The following ZNF254 variants were observed in gnomAD, a reference collection of about 807,000 sequenced individuals.
ZNF254 encodes CTD-2017D11.1.
In ZNF254, 10 loss-of-function variants were observed where a neutral mutation model predicts 12.4. The ratio of observed to expected loss-of-function variants is 0.80; its 90% CI spans 0.50 to 1.36. ZNF254 has a LOEUF of 1.36. Among genes scored for constraint, ZNF254 ranks in the 40% most tolerant of loss-of-function variants. ZNF254 has a pLI of 0.00. For synonymous variants in ZNF254, 305 were observed against 253.4 expected (o/e 1.20, Z -1.93); for missense variants, 996 against 763.9 (o/e 1.30, Z -3.58).
At chr19:24,098,571 C>CTGAG (rs1221926102) in intron 1 of ZNF254, 2 of 152,202 alleles carry the variant, frequency 1.3e-5, no homozygotes, top group Non-Finnish European at 2.9e-5. Flanking sequence ...GTTACTCATG[C>CTGAG]TGAGAGTAGC....
chr19:24,127,790 C>T lies in ZNF254; in HGVS notation c.1790C>T (p.Thr597Ile). 6.2e-7 allele frequency: 1 copy of T among 1,612,630 alleles called. No individual in the cohort carries two copies. Among genetic ancestry groups the T allele is most frequent in the African/African-American group, 1.3e-5 (1 of 74,976 alleles). The change falls in exon 4 of 4, where the codon ACT becomes ATT. Residue 597 changes from threonine to isoleucine, a missense_variant. Transcript: ENST00000357002. ...TTTACTAAACATAAGGTAATTCATA[C>T]TGGAGTAAAACCCTACAAATGTGAA... ...STFTKHKVIH[T>I]GVKPYKCEEC...
intron 1 of ZNF254, among the ~76,000 whole-genome samples, chr19:24,090,034 GAAA>G (rs575080256): frequency 2.1e-5 from 2 of 94,760 alleles, no homozygotes; most frequent in Non-Finnish European, 4.5e-5. Context: ...CTAAAAATAC[GAAA>G]AAAAAAAAAA....
At position 24,120,567 on chromosome 19, in the gene ZNF254, A is replaced by G. The variant is rs949415056; in HGVS notation, c.254-5687A>G. The stretch of plus-strand genomic sequence containing the variant: ...TTCTACATTTGTATATTTACATTCA[A>G]TAGAGAGCTTTATTTTTATATATGG... On this transcript the variant is annotated intron_variant, in intron 3 of 3. Coordinates refer to ENST00000357002, the MANE Select transcript of ZNF254 (RefSeq NM_203282.4). 5.8e-4 allele frequency among the ~76,000 whole-genome samples: 88 copies of G among 152,080 alleles called. 1 individual carries two copies. The highest frequency in any genetic ancestry group is 1.5e-4 in the Non-Finnish European group (10 of 68,010).
intron 1 of ZNF254, among the ~76,000 whole-genome samples, chr19:24,044,610 T>C (rs1415075873): frequency 6.6e-6 from 1 of 152,130 alleles, no homozygotes; most frequent in Non-Finnish European, 1.5e-5. Context: ...TTCGTGTTTA[T>C]ATTTTGTTTT....
At chr19:24,052,461 A>T (rs541355697) in intron 2 of ZNF254, among the ~76,000 whole-genome samples, 1 of 152,314 alleles carries the variant, frequency 6.6e-6, no homozygotes, top group South Asian at 2.1e-4. Context: ...TGCATTCATT[A>T]TCTAGGAGAT....
Position 24,106,651 on chromosome 19 carries a change from A to T in ZNF254, c.253+8A>T. 6.3e-7 allele frequency: 1 copy of T among 1,575,774 alleles called. No homozygotes were observed. Among genetic ancestry groups the T allele is most frequent in the Admixed American group, 1.7e-5 (1 of 58,850 alleles). Reference sequence around the variant, plus strand: ...TGGTGGATGAACCCCCAGGTAGGTGAGAGTGAATACAACAGATGACATGGA... The same window carrying T: ...TGGTGGATGAACCCCCAGGTAGGTGTGAGTGAATACAACAGATGACATGGA... On this transcript the variant is annotated splice_region_variant and intron_variant, in intron 3 of 3. Coordinates refer to ENST00000357002, the MANE Select transcript of ZNF254 (RefSeq NM_203282.4).
intron 1 of ZNF254, among the ~76,000 whole-genome samples, chr19:24,093,708 G>GTAT (rs1972521573): frequency 6.6e-6 from 1 of 152,188 alleles, no homozygotes; most frequent in East Asian, 1.9e-4. Flanking sequence ...ATAATTTGAA[G>GTAT]ACAGGTAATG....
chr19:24,050,300 C>T (rs1336769946), intron 2 of ZNF254, among the ~76,000 whole-genome samples: 1 of 152,124 alleles, frequency 6.6e-6, no homozygotes, highest in Non-Finnish European at 1.5e-5. Flanking sequence ...GCTGAGACTA[C>T]AGGTGTGTGC....
intron 2 of ZNF254, among the ~76,000 whole-genome samples, chr19:24,056,435 CCAT>C (rs1378266346): frequency 6.6e-6 from 1 of 152,150 alleles, no homozygotes; most frequent in Non-Finnish European, 1.5e-5. Flanking sequence ...GGTTCTTCTT[CCAT>C]CATAAGTTCT....
intron 2 of ZNF254, among the ~76,000 whole-genome samples, chr19:24,060,452 C>T (rs139385374): frequency 6.6e-6 from 1 of 152,158 alleles, no homozygotes; most frequent in Admixed American, 6.5e-5. Flanking sequence ...TGTAATTTGT[C>T]TCCTGCCTAA....
chr19:24,123,621 A>G (rs1425413858), intron 3 of ZNF254, among the ~76,000 whole-genome samples: 2 of 152,038 alleles, frequency 1.3e-5, no homozygotes, highest in Admixed American at 1.3e-4. Context: ...TGCGTGCACA[A>G]ACACATACAC....
rs151262980 is a variant in ZNF254 at position 24,117,640 on chromosome 19, C to T, written c.254-8614C>T. Among the ~76,000 whole-genome samples the T allele has an allele frequency of 7.8e-3, 1,183 of 152,202 alleles. 12 individuals are homozygous for T. Among genetic ancestry groups the T allele is most frequent in the African/African-American group, 0.027 (1,109 of 41,550 alleles). On this transcript the variant is annotated intron_variant, in intron 3 of 3. Coordinates refer to ENST00000357002, the MANE Select transcript of ZNF254 (RefSeq NM_203282.4). ...GGAAAGGGAACTCCCTGACCCCTTGCACTTCCTGAGTGAGGTAATGCCTAG... is the reference window on the plus strand; with the variant it reads ...GGAAAGGGAACTCCCTGACCCCTTGTACTTCCTGAGTGAGGTAATGCCTAG...
At chr19:24,038,193 A>T (rs1375151272) in intron 1 of ZNF254, among the ~76,000 whole-genome samples, 1 of 152,240 alleles carries the variant, frequency 6.6e-6, no homozygotes, top group Non-Finnish European at 1.5e-5. Flanking sequence ...TAGCAAAGAA[A>T]ATAGAACTTT....
chr19:24,050,734 A>T (rs1970614703), intron 2 of ZNF254, among the ~76,000 whole-genome samples: 1 of 152,134 alleles, frequency 6.6e-6, no homozygotes, highest in African/African-American at 2.4e-5. Context: ...TTGGCCAAGC[A>T]CCTACATTGT....
chr19:24,052,552 T>G (rs1442060198), intron 2 of ZNF254, among the ~76,000 whole-genome samples: 1 of 152,142 alleles, frequency 6.6e-6, no homozygotes, highest in African/African-American at 2.4e-5. Flanking sequence ...GTGATGTGTT[T>G]TTCCTGCCTG....
intron 1 of ZNF254, among the ~76,000 whole-genome samples, chr19:24,043,070 CTG>C (rs1970238388): frequency 6.6e-6 from 1 of 151,832 alleles, no homozygotes; most frequent in Admixed American, 6.6e-5. Flanking sequence ...TTTTTGTTGA[CTG>C]TAGATATCAG....
chr19:24,115,434 C>T (rs1973983011), intron 3 of ZNF254, among the ~76,000 whole-genome samples: 1 of 145,700 alleles, frequency 6.9e-6, no homozygotes, highest in Non-Finnish European at 1.5e-5. Flanking sequence ...AACAAAAAAC[C>T]AAACACCGCA....
At chr19:24,123,519 T>C (rs1457313106) in intron 3 of ZNF254, among the ~76,000 whole-genome samples, 1 of 152,162 alleles carries the variant, frequency 6.6e-6, no homozygotes, top group Non-Finnish European at 1.5e-5. Context: ...CTTGCTATAA[T>C]TGTATTGCTT....
intron 3 of ZNF254, among the ~76,000 whole-genome samples, chr19:24,107,766 C>A (rs984662960): frequency 1.3e-5 from 2 of 152,080 alleles, no homozygotes; most frequent in African/African-American, 4.8e-5. Flanking sequence ...GGAGCAAACA[C>A]CTCTTCAAGT....
Sources: gnomAD v4.1 joint callset for allele counts (sites outside exome capture counted in the v4.1 genomes callset) on GRCh38, gnomAD v4.1.1 for gene constraint, MANE v1.5 for transcripts, NCBI Gene and HGNC (gene_info 2026-07-23, HGNC 2026-07-21) for gene names.